Variants in CNTNAP5 observed in about 807,000 individuals in gnomAD.
CNTNAP5 encodes the protein contactin-associated protein-like 5.
In CNTNAP5, 72 loss-of-function variants were observed where a neutral mutation model predicts 150.2. The ratio of observed to expected loss-of-function variants is 0.48; its 90% confidence interval spans 0.40 to 0.58. CNTNAP5 has a LOEUF of 0.58. Ranked by LOEUF, CNTNAP5 falls within the 20% of genes least tolerant of loss-of-function variation. The probability of loss-of-function intolerance (pLI) is 0.00; values close to 1 mark genes in which losing one functional copy is unlikely to be tolerated. For synonymous variants in CNTNAP5, 672 were observed against 619.8 expected, an observed-to-expected ratio of 1.08 and a Z score of -1.25; for missense variants, 1,636 against 1,626.2, an observed-to-expected ratio of 1.01 and a Z score of -0.10.
At chr2:124,707,911 A>G (rs17393216) in intron 13 of CNTNAP5, among the ~76,000 whole-genome samples, 24,750 of 152,228 alleles carry the variant, frequency 0.16, 2,285 homozygotes, top group East Asian at 0.24. Flanking sequence ...AAATAACTTC[A>G]TATATACAAG....
At chr2:124,706,764 G>A (rs979262126) in intron 13 of CNTNAP5, among the ~76,000 whole-genome samples, 1 of 30,440 alleles carries the variant, frequency 3.3e-5, no homozygotes, top group Non-Finnish European at 6.1e-5. Flanking sequence ...AGAAGAAGAA[G>A]AAGAAGAAGA....
Position 124,914,519 on chromosome 2 carries a change from C to T in CNTNAP5, c.*231C>T, listed in dbSNP as rs1452069940. On this transcript the variant is annotated 3_prime_UTR_variant, in exon 24 of 24. Coordinates refer to ENST00000682447, the MANE Select transcript of CNTNAP5 (RefSeq NM_001367498.1). ...AACCTATCGGGTGAAAACGACCACTCAAGAGACTGACTTCGCCATTCAAGA... is the reference window on the plus strand; with the variant it reads ...AACCTATCGGGTGAAAACGACCACTTAAGAGACTGACTTCGCCATTCAAGA... The T allele has an allele frequency of 4.0e-6, 2 of 498,520 alleles. No homozygotes were observed. The highest frequency in any genetic ancestry group is 2.5e-5 in the South Asian group (1 of 40,094). The allele number at this position is 498,520 out of a possible 1,614,324, so 30.9% of individuals were successfully genotyped here. A position where few individuals can be genotyped will look rare whatever the true frequency, so the allele number is the denominator to read the frequency against.
intron 1 of CNTNAP5, among the ~76,000 whole-genome samples, chr2:124,177,672 T>A (rs1685101738): frequency 6.6e-6 from 1 of 152,138 alleles, no homozygotes; most frequent in African/African-American, 2.4e-5. Flanking sequence ...ATTCTGTGTG[T>A]GCGCACGCAC....
intron 13 of CNTNAP5, among the ~76,000 whole-genome samples, chr2:124,659,793 C>T (rs1678545816): frequency 6.6e-6 from 1 of 152,108 alleles, no homozygotes; most frequent in Admixed American, 6.6e-5. Context: ...GAAACTACTT[C>T]TAGTTAGGTG....
chr2:124,713,809 A>T (rs1366560657), intron 13 of CNTNAP5, among the ~76,000 whole-genome samples: 1 of 152,096 alleles, frequency 6.6e-6, no homozygotes, highest in Admixed American at 6.6e-5. Context: ...AATGCCTCAC[A>T]GTTACCTTTA....
At chr2:124,108,458 C>T (rs899124787) in intron 1 of CNTNAP5, among the ~76,000 whole-genome samples, 1 of 152,180 alleles carries the variant, frequency 6.6e-6, no homozygotes, top group East Asian at 1.9e-4. Context: ...CCGGAAGACA[C>T]TTCCTCCCAC....
At chr2:124,630,436 T>G (rs1198312803) in intron 12 of CNTNAP5, among the ~76,000 whole-genome samples, 1 of 152,110 alleles carries the variant, frequency 6.6e-6, no homozygotes, top group Non-Finnish European at 1.5e-5. Flanking sequence ...AATCAATAAA[T>G]GTAATTCATC....
At chr2:124,872,486 A>T (rs556017585) in intron 21 of CNTNAP5, among the ~76,000 whole-genome samples, 10 of 147,154 alleles carry the variant, frequency 6.8e-5, no homozygotes, top group African/African-American at 2.3e-4. Context: ...AAATTAAGAC[A>T]CTCTCCTCAA....
At chr2:124,111,328 G>A (rs1247673692) in intron 1 of CNTNAP5, among the ~76,000 whole-genome samples, 1 of 152,154 alleles carries the variant, frequency 6.6e-6, no homozygotes, top group Admixed American at 6.6e-5. Context: ...ATCTAGGGGA[G>A]AAATTACATG....
At chr2:124,341,332 G>T (rs148528623) in intron 3 of CNTNAP5, among the ~76,000 whole-genome samples, 22 of 152,208 alleles carry the variant, frequency 1.4e-4, no homozygotes, top group African/African-American at 4.1e-4. Flanking sequence ...CTGCTACTAA[G>T]TCTCTTTCAT....
intron 3 of CNTNAP5, among the ~76,000 whole-genome samples, chr2:124,320,458 A>T (rs1689071606): frequency 6.6e-6 from 1 of 152,226 alleles, no homozygotes; most frequent in Non-Finnish European, 1.5e-5. Context: ...GACCTCAGAC[A>T]TCTGCAAGGC....
chr2:124,102,718 CCCGTT>C (rs2104698085), intron 1 of CNTNAP5, among the ~76,000 whole-genome samples: 1 of 152,298 alleles, frequency 6.6e-6, no homozygotes, highest in Non-Finnish European at 1.5e-5. Context: ...GAACCCACCT[CCCGTT>C]CCTGTGGGGG....
chr2:124,262,093 T>A (rs1050448510), intron 3 of CNTNAP5, among the ~76,000 whole-genome samples: 10 of 151,934 alleles, frequency 6.6e-5, no homozygotes, highest in African/African-American at 2.2e-4. Context: ...CTTTTTTTTT[T>A]AATTATCCAG....
rs565580924 is a variant in CNTNAP5 at position 124,636,261 on chromosome 2, T to C, written c.1877-11497T>C. Reference sequence around the variant, plus strand: ...CCTTTATAATTAATCATAGAATCTATTTATAAGTTTGTTGTGAAGCTTCTA... The same window carrying C: ...CCTTTATAATTAATCATAGAATCTACTTATAAGTTTGTTGTGAAGCTTCTA... On this transcript the variant is annotated intron_variant, in intron 12 of 23. Coordinates refer to ENST00000682447, the MANE Select transcript of CNTNAP5 (RefSeq NM_001367498.1). Among the ~76,000 whole-genome samples the C allele has an allele frequency of 1.1e-4, 17 of 152,318 alleles. No homozygotes were observed. In the East Asian group the frequency reaches 3.3e-3, roughly 29 times the overall value.
intron 4 of CNTNAP5, among the ~76,000 whole-genome samples, chr2:124,419,403 C>T (rs1692024340): frequency 6.6e-6 from 1 of 152,094 alleles, no homozygotes; most frequent in South Asian, 2.1e-4. Flanking sequence ...CTTTGAGCAG[C>T]ATGTTTAGCA....
chr2:124,364,736 G>T (rs1371590323), intron 3 of CNTNAP5, among the ~76,000 whole-genome samples: 2 of 152,126 alleles, frequency 1.3e-5, no homozygotes, highest in African/African-American at 2.4e-5. Context: ...CAATACATTG[G>T]ATTCAGACAT....
At chr2:124,174,627 G>A (rs980297762) in intron 1 of CNTNAP5, among the ~76,000 whole-genome samples, 1 of 152,152 alleles carries the variant, frequency 6.6e-6, no homozygotes, top group Non-Finnish European at 1.5e-5. Context: ...GCTACTTATG[G>A]ATGAGCAAAA....
At chr2:124,670,543 T>C (rs145257400) in intron 13 of CNTNAP5, among the ~76,000 whole-genome samples, 6 of 152,240 alleles carry the variant, frequency 3.9e-5, no homozygotes, top group African/African-American at 1.4e-4. Context: ...TCCTTTGATG[T>C]AAAGTTTCTA....
chr2:124,067,996 A>G (rs1682203949), intron 1 of CNTNAP5, among the ~76,000 whole-genome samples: 1 of 152,228 alleles, frequency 6.6e-6, no homozygotes, highest in South Asian at 2.1e-4. Context: ...ATAAAACCAA[A>G]GAAAAAGGGA....
Sources: gnomAD v4.1 joint callset for allele counts (sites outside exome capture counted in the v4.1 genomes callset) on GRCh38, gnomAD v4.1.1 for gene constraint, MANE v1.5 for transcripts, NCBI Gene and HGNC (gene_info 2026-07-23, HGNC 2026-07-21) for gene names.